Variants in MAF observed in about 807,000 individuals in gnomAD.
The protein encoded by MAF is transcription factor Maf.
A neutral mutation model predicts 22.0 loss-of-function variants in MAF; 10 were observed. The ratio of observed to expected loss-of-function variants is 0.45; its 90% confidence interval spans 0.28 to 0.77. The LOEUF (loss-of-function observed/expected upper bound fraction) is 0.77, where lower values mean the gene tolerates loss of function less well. MAF is among the 30% of genes least tolerant of loss of function. The pLI is 0.12. For missense variants in MAF, 544 were observed against 548.4 expected, an observed-to-expected ratio of 0.99 and a Z score of 0.08; for synonymous variants, 337 against 255.8, an observed-to-expected ratio of 1.32 and a Z score of -3.03.
the MAF span, among the ~76,000 whole-genome samples, chr16:79,459,851 A>C: frequency 6.6e-6 from 1 of 152,170 alleles, no homozygotes; most frequent in Non-Finnish European, 1.5e-5. Context: ...GGCATGAGCC[A>C]CTGTGCCTGG....
the MAF span, among the ~76,000 whole-genome samples, chr16:79,575,355 G>C: frequency 6.6e-6 from 1 of 152,194 alleles, no homozygotes; most frequent in Admixed American, 6.5e-5. Context: ...ACCTGACTAA[G>C]AGGAGACAGT....
the MAF span, among the ~76,000 whole-genome samples, chr16:79,454,008 A>G: frequency 1.3e-5 from 2 of 152,232 alleles, no homozygotes; most frequent in Non-Finnish European, 2.9e-5. Context: ...TAATTAGGAT[A>G]GCCAAAATGT....
the MAF span, among the ~76,000 whole-genome samples, chr16:79,346,690 CG>C: frequency 6.6e-6 from 1 of 152,136 alleles, no homozygotes; most frequent in Non-Finnish European, 1.5e-5. Flanking sequence ...GTCTTCTACA[CG>C]GGGTGTGAGC....
the MAF span, among the ~76,000 whole-genome samples, chr16:79,318,759 C>T: frequency 1.3e-5 from 2 of 152,190 alleles, no homozygotes; most frequent in Admixed American, 1.3e-4. Context: ...CCATAAAACA[C>T]TCTTAAGGCT....
At chr16:79,394,097 CTG>C in the MAF span, among the ~76,000 whole-genome samples, 1 of 152,174 alleles carries the variant, frequency 6.6e-6, no homozygotes, top group African/African-American at 2.4e-5. Flanking sequence ...CCGTCATTCT[CTG>C]TGTGGTTGCC....
At chr16:79,523,646 G>T in the MAF span, among the ~76,000 whole-genome samples, 2 of 152,156 alleles carry the variant, frequency 1.3e-5, no homozygotes, top group African/African-American at 4.8e-5. Context: ...AGCTGATTCT[G>T]GAGACAGTGG....
At chr16:79,358,467 G>C in the MAF span, among the ~76,000 whole-genome samples, 1 of 152,120 alleles carries the variant, frequency 6.6e-6, no homozygotes, top group African/African-American at 2.4e-5. Context: ...GCCCAGCAGA[G>C]CTACTTGATC....
At chr16:79,213,564 C>T in the MAF span, among the ~76,000 whole-genome samples, 2 of 152,204 alleles carry the variant, frequency 1.3e-5, no homozygotes, top group Non-Finnish European at 2.9e-5. Context: ...AAGTGCTTTG[C>T]ACTGGGGCTT....
intron 1 of MAF, 162 bp downstream of exon 1, chr16:79,598,623 G>A (rs1913740618): frequency 6.6e-7 from 1 of 1,515,462 alleles, no homozygotes. Flanking sequence ...GTGTGCGTGC[G>A]GGTTTGTGTG....
At chr16:79,411,569 T>C in the MAF span, among the ~76,000 whole-genome samples, 1 of 152,186 alleles carries the variant, frequency 6.6e-6, no homozygotes, top group African/African-American at 2.4e-5. Flanking sequence ...CTGGTGACTT[T>C]TGCCCTGAGT....
At chr16:79,586,276 G>A (rs977872895) in intron 1 of MAF, among the ~76,000 whole-genome samples, 1 of 151,682 alleles carries the variant, frequency 6.6e-6, no homozygotes, top group Non-Finnish European at 1.5e-5. Flanking sequence ...AAGAGATTCT[G>A]GGTTCATAGA....
At chr16:79,495,938 C>A in the MAF span, among the ~76,000 whole-genome samples, 1 of 152,130 alleles carries the variant, frequency 6.6e-6, no homozygotes, top group Non-Finnish European at 1.5e-5. Context: ...AACACACACA[C>A]AAAATAATTA....
chr16:79,559,400 G>A, the MAF span, among the ~76,000 whole-genome samples: 2 of 152,162 alleles, frequency 1.3e-5, no homozygotes, highest in South Asian at 2.1e-4. Context: ...GACAACTGGT[G>A]AAAAATAAAC....
the MAF span, among the ~76,000 whole-genome samples, chr16:79,508,414 C>T: frequency 6.6e-6 from 1 of 152,194 alleles, no homozygotes; most frequent in Non-Finnish European, 1.5e-5. Flanking sequence ...GGCCTCTCTC[C>T]TCCTGGGTGT....
At chr16:79,460,546 G>A in the MAF span, among the ~76,000 whole-genome samples, 1 of 152,044 alleles carries the variant, frequency 6.6e-6, no homozygotes, top group Non-Finnish European at 1.5e-5. Context: ...TAAGCCAGTA[G>A]CCTCTCTCCC....
the MAF span, among the ~76,000 whole-genome samples, chr16:79,253,084 C>G: frequency 6.6e-6 from 1 of 152,172 alleles, no homozygotes; most frequent in African/African-American, 2.4e-5. Context: ...GGTGGTCACC[C>G]TCACCTATAA....
chr16:79,316,010 G>A, the MAF span, among the ~76,000 whole-genome samples: 2 of 152,212 alleles, frequency 1.3e-5, no homozygotes, highest in Non-Finnish European at 2.9e-5. Context: ...TCCTTGCAAG[G>A]CAGACCAGCT....
At chr16:79,272,663 C>T in the MAF span, among the ~76,000 whole-genome samples, 1 of 152,230 alleles carries the variant, frequency 6.6e-6, no homozygotes, top group Non-Finnish European at 1.5e-5. Context: ...ACACCAAGAG[C>T]CGATACTCTG....
chr16:79,321,660 T>C, the MAF span, among the ~76,000 whole-genome samples: 1 of 142,812 alleles, frequency 7.0e-6, no homozygotes. Flanking sequence ...TTTTTTTTTT[T>C]TTTTTTTTGA....
Sources: gnomAD v4.1 joint callset for allele counts (sites outside exome capture counted in the v4.1 genomes callset) on GRCh38, gnomAD v4.1.1 for gene constraint, MANE v1.5 for transcripts, NCBI Gene and HGNC (gene_info 2026-07-23, HGNC 2026-07-21) for gene names.